Variants in SNTG1 observed in about 807,000 individuals in gnomAD.
SNTG1 encodes syntrophin gamma 1, also known as gamma-1-syntrophin.
Under a neutral mutation model 74.7 loss-of-function variants are expected in SNTG1, and 39 were observed. The observed-to-expected ratio is 0.52, with a 90% CI of 0.40 to 0.68. The LOEUF is 0.68. SNTG1 is among the 30% of genes least tolerant of loss of function. The pLI, the probability that SNTG1 is intolerant of heterozygous loss-of-function variation, is 0.00. For missense variants in SNTG1, 685 were observed against 609.5 expected, an observed-to-expected ratio of 1.12 and a Z score of -1.30; for synonymous variants, 254 against 217.1, an observed-to-expected ratio of 1.17 and a Z score of -1.49.
chr8:50,027,850 A>G (rs897262709), intron 1 of SNTG1, among the ~76,000 whole-genome samples: 1 of 152,154 alleles, frequency 6.6e-6, no homozygotes, highest in African/African-American at 2.4e-5. Flanking sequence ...TACTCTCTCA[A>G]TTCATCCCAT....
intron 18 of SNTG1, among the ~76,000 whole-genome samples, chr8:50,777,656 G>A (rs2095644924): frequency 6.6e-6 from 1 of 150,436 alleles, no homozygotes; most frequent in East Asian, 2.0e-4. Context: ...TTTCCATTCA[G>A]TGTGAGTTTT....
chr8:50,272,905 T>TA (rs3086115), intron 2 of SNTG1, among the ~76,000 whole-genome samples: 62,669 of 140,050 alleles, frequency 0.45, 15,835 homozygotes, highest in East Asian at 0.81. Context: ...CCTGGATACT[T>TA]AAAAAAAAAA....
intron 18 of SNTG1, among the ~76,000 whole-genome samples, chr8:50,768,933 T>C (rs1244647770): frequency 6.6e-6 from 1 of 152,016 alleles, no homozygotes; most frequent in African/African-American, 2.4e-5. Context: ...AAACTAATGA[T>C]TGAATTGAGA....
At chr8:50,585,612 G>A (rs2094643138) in intron 12 of SNTG1, among the ~76,000 whole-genome samples, 1 of 152,002 alleles carries the variant, frequency 6.6e-6, no homozygotes, top group South Asian at 2.1e-4. Context: ...TCATTATTTG[G>A]AAATAGTATT....
intron 2 of SNTG1, among the ~76,000 whole-genome samples, chr8:50,385,467 T>C (rs1009293280): frequency 6.6e-6 from 1 of 152,220 alleles, no homozygotes; most frequent in Non-Finnish European, 1.5e-5. Context: ...TTTTGTCAGA[T>C]TTATTTCCCA....
intron 2 of SNTG1, among the ~76,000 whole-genome samples, chr8:50,265,355 T>C (rs2130173553): frequency 6.6e-6 from 1 of 152,240 alleles, no homozygotes; most frequent in East Asian, 1.9e-4. Flanking sequence ...CATCATATTA[T>C]TGGAATAACT....
chr8:50,310,636 C>T (rs1445983921), intron 2 of SNTG1, among the ~76,000 whole-genome samples: 6 of 152,106 alleles, frequency 3.9e-5, no homozygotes, highest in African/African-American at 4.8e-5. Flanking sequence ...TGCAATGAGC[C>T]GAGACCATGC....
At chr8:50,322,556 T>A (rs374148514) in intron 2 of SNTG1, among the ~76,000 whole-genome samples, 1 of 152,210 alleles carries the variant, frequency 6.6e-6, no homozygotes, top group East Asian at 1.9e-4. Context: ...CTTCTTGTAT[T>A]TGAATATTGA....
intron 2 of SNTG1, among the ~76,000 whole-genome samples, chr8:50,267,758 G>A (rs954768094): frequency 6.6e-6 from 1 of 152,048 alleles, no homozygotes; most frequent in Non-Finnish European, 1.5e-5. Context: ...TTCAACACTT[G>A]TTCATGATAA....
intron 13 of SNTG1, among the ~76,000 whole-genome samples, chr8:50,599,562 G>A (rs2094757556): frequency 6.6e-6 from 1 of 151,722 alleles, no homozygotes. Context: ...TTTTCTTTGA[G>A]GTGATCTTTC....
At chr8:50,584,678 C>G (rs2094635767) in intron 12 of SNTG1, among the ~76,000 whole-genome samples, 1 of 151,950 alleles carries the variant, frequency 6.6e-6, no homozygotes. Context: ...TGGTAGCCCT[C>G]TAGGTTTTAG....
At chr8:50,435,190 G>T (rs935906641) in intron 4 of SNTG1, among the ~76,000 whole-genome samples, 1 of 151,978 alleles carries the variant, frequency 6.6e-6, no homozygotes, top group Non-Finnish European at 1.5e-5. Context: ...TATACAGTCC[G>T]ATATTAATCT....
intron 9 of SNTG1, among the ~76,000 whole-genome samples, chr8:50,526,652 T>G (rs2094222243): frequency 6.6e-6 from 1 of 151,868 alleles, no homozygotes; most frequent in Non-Finnish European, 1.5e-5. Flanking sequence ...CACGCATATA[T>G]ATATATATAT....
intron 11 of SNTG1, among the ~76,000 whole-genome samples, chr8:50,544,493 T>C (rs2094371837): frequency 6.6e-6 from 1 of 152,080 alleles, no homozygotes. Context: ...GAATGTATAT[T>C]TTTTAAAAGC....
chr8:50,512,219 T>G (rs1314002653), intron 9 of SNTG1, among the ~76,000 whole-genome samples: 1 of 152,158 alleles, frequency 6.6e-6, no homozygotes, highest in Non-Finnish European at 1.5e-5. Context: ...AAAATTCTTT[T>G]CTTTAAGAAT....
intron 18 of SNTG1, among the ~76,000 whole-genome samples, chr8:50,787,786 A>T (rs1396511235): frequency 6.6e-6 from 1 of 152,064 alleles, no homozygotes; most frequent in Non-Finnish European, 1.5e-5. Context: ...TGAAATGTCC[A>T]CAAAAAGCAA....
At chr8:50,775,614 A>G (rs1585762213) in intron 18 of SNTG1, among the ~76,000 whole-genome samples, 1 of 151,774 alleles carries the variant, frequency 6.6e-6, no homozygotes, top group South Asian at 2.1e-4. Context: ...AGTTCTAAAA[A>G]TGTTAGTTTG....
intron 4 of SNTG1, among the ~76,000 whole-genome samples, chr8:50,430,416 T>A (rs1211428695): frequency 1.3e-5 from 2 of 152,198 alleles, no homozygotes; most frequent in Non-Finnish European, 2.9e-5. Context: ...ATCTTGCTTA[T>A]CTGTTAGTTC....
intron 1 of SNTG1, among the ~76,000 whole-genome samples, chr8:50,040,431 T>C (rs1435111202): frequency 6.6e-6 from 1 of 152,204 alleles, no homozygotes; most frequent in Non-Finnish European, 1.5e-5. Flanking sequence ...TTTCTAGTCA[T>C]TGTAAGTTAC....
Sources: gnomAD v4.1 joint callset for allele counts (sites outside exome capture counted in the v4.1 genomes callset) on GRCh38, gnomAD v4.1.1 for gene constraint, MANE v1.5 for transcripts, NCBI Gene and HGNC (gene_info 2026-07-23, HGNC 2026-07-21) for gene names.